Variants in ARHGAP20 observed in about 807,000 individuals in gnomAD.
ARHGAP20 encodes the protein Rho GTPase activating protein 20.
Under a neutral mutation model 73.7 loss-of-function variants are expected in ARHGAP20, and 34 were observed. That is an observed-to-expected ratio of 0.46 (90% CI 0.35 to 0.61). The LOEUF is 0.61. Among genes scored for constraint, ARHGAP20 ranks in the 20% least tolerant of loss-of-function variants. The pLI, the probability that ARHGAP20 is intolerant of heterozygous loss-of-function variation, is 0.00. For missense variants in ARHGAP20, 1,314 were observed against 1,420.9 expected (o/e 0.92, Z 1.21); for synonymous variants, 523 against 518.2 (o/e 1.01, Z -0.13).
intron 12 of ARHGAP20, among the ~76,000 whole-genome samples, chr11:110,585,006 T>C (rs1412597815): frequency 7.3e-6 from 1 of 137,500 alleles, no homozygotes; most frequent in African/African-American, 2.6e-5. Flanking sequence ...AATATATGAA[T>C]ATGTATGTGA....
chr11:110,684,137 T>C (rs978969777), intron 2 of ARHGAP20, among the ~76,000 whole-genome samples: 6 of 152,080 alleles, frequency 3.9e-5, no homozygotes, highest in African/African-American at 1.4e-4. Flanking sequence ...TAGTGTGTTA[T>C]AGGAACATGG....
chr11:110,619,495 AGTATATGTAGTGATAGG>A (rs1565441972), intron 4 of ARHGAP20, among the ~76,000 whole-genome samples: 5 of 150,838 alleles, frequency 3.3e-5, no homozygotes, highest in South Asian at 2.1e-4. Context: ...GCAGTGATAG[AGTATATGTAGTGATAGG>A]GTATATGCAG....
chr11:110,584,478 C>A lies in ARHGAP20; in HGVS notation c.1416-741G>T, dbSNP rs2134791999. Among the ~76,000 whole-genome samples, 5 of 151,394 alleles carry A rather than the reference C, an allele frequency of 3.3e-5. No homozygotes were observed. The Middle Eastern group carries it at 0.014, about 412-fold the overall frequency. On this transcript the variant is annotated intron_variant, in intron 12 of 14. Transcript: ENST00000683387. Reference sequence around the variant, plus strand: ...GGAAAAGATGATAGTCTGACTGCTGCTTGCACAAATAGCAGGGAGGCCTTT... The same window carrying A: ...GGAAAAGATGATAGTCTGACTGCTGATTGCACAAATAGCAGGGAGGCCTTT...
chr11:110,626,923 G>T (rs929866810), intron 3 of ARHGAP20, among the ~76,000 whole-genome samples: 1 of 152,042 alleles, frequency 6.6e-6, no homozygotes, highest in Admixed American at 6.5e-5. Flanking sequence ...TGCTTCTTCA[G>T]ATTTTTCCAC....
intron 2 of ARHGAP20, among the ~76,000 whole-genome samples, chr11:110,685,420 A>C (rs969057986): frequency 8.5e-5 from 13 of 152,072 alleles, no homozygotes; most frequent in Admixed American, 1.3e-4. Flanking sequence ...TCAGCATGAA[A>C]GATGTCTGTC....
At chr11:110,675,502 G>T (rs1293453895) in intron 2 of ARHGAP20, among the ~76,000 whole-genome samples, 1 of 152,166 alleles carries the variant, frequency 6.6e-6, no homozygotes, top group Non-Finnish European at 1.5e-5. Context: ...AGTTGTGGAG[G>T]AGGAGGAAGG....
intron 2 of ARHGAP20, 43 bp downstream of exon 2, chr11:110,690,504 T>G: frequency 6.4e-7 from 1 of 1,557,736 alleles, no homozygotes; most frequent in Non-Finnish European, 8.9e-7. Context: ...AATATAAACT[T>G]CCAAGCACAT....
At chr11:110,688,793 G>C (rs1169942494) in intron 2 of ARHGAP20, among the ~76,000 whole-genome samples, 1 of 151,994 alleles carries the variant, frequency 6.6e-6, no homozygotes, top group Non-Finnish European at 1.5e-5. Context: ...TTTTGATTAG[G>C]CATCTATTAA....
At chr11:110,624,066 T>C in intron 4 of ARHGAP20, 96 bp downstream of exon 4, 1 of 1,433,638 alleles carries the variant, frequency 7.0e-7, no homozygotes, top group Non-Finnish European at 9.4e-7. Flanking sequence ...TCTTAAAAAT[T>C]AGAGGAACAA....
intron 9 of ARHGAP20, among the ~76,000 whole-genome samples, chr11:110,596,354 G>C (rs1257766212): frequency 6.7e-6 from 1 of 149,940 alleles, no homozygotes; most frequent in African/African-American, 2.5e-5. Flanking sequence ...AGAGTGAACA[G>C]GCAACCTACA....
chr11:110,591,089 CATT>C (rs998362633), intron 10 of ARHGAP20, among the ~76,000 whole-genome samples: 1 of 152,132 alleles, frequency 6.6e-6, no homozygotes, highest in African/African-American at 2.4e-5. Flanking sequence ...TATTATATAA[CATT>C]ATGATTATAG....
At chr11:110,684,727 A>AC (rs1950099170) in intron 2 of ARHGAP20, among the ~76,000 whole-genome samples, 1 of 152,188 alleles carries the variant, frequency 6.6e-6, no homozygotes, top group African/African-American at 2.4e-5. Context: ...ATGGAATACT[A>AC]CGCAGACATA....
At chr11:110,606,395 C>T (rs576107161) in intron 9 of ARHGAP20, among the ~76,000 whole-genome samples, 166 bp downstream of exon 9, 2 of 152,308 alleles carry the variant, frequency 1.3e-5, no homozygotes, top group African/African-American at 4.8e-5. Context: ...GTCAATCATG[C>T]CTATTGCTGA....
rs1180257511 is a variant in ARHGAP20 at position 110,592,067 on chromosome 11, G to C, written c.1053C>G (p.Pro351=). 6 of 1,614,140 alleles carry C rather than the reference G, an allele frequency of 3.7e-6. No individual in the cohort carries two copies. The highest frequency in any genetic ancestry group is 5.1e-6 in the Non-Finnish European group (6 of 1,179,976). The part of the protein sequence containing the change: ...RGSSTHLDNL[P]SSPTSPMPGQ... ...CTGGCATAGGTGATGTTGGCGATGA[G>C]GGCAAGTTGTCCAGGTGAGTGCTAG... Residue 351 remains proline (P), a synonymous_variant, in exon 10 of 15, where the codon CCC becomes CCG. Transcript: ENST00000683387.
At chr11:110,614,292 GC>G (rs1331777050) in intron 6 of ARHGAP20, among the ~76,000 whole-genome samples, 1 of 152,170 alleles carries the variant, frequency 6.6e-6, no homozygotes, top group African/African-American at 2.4e-5. Flanking sequence ...CATGTCACAA[GC>G]AATGTTCTTT....
chr11:110,580,814 A>C lies in ARHGAP20; in HGVS notation c.2132T>G (p.Leu711Arg). Reference sequence around the variant, plus strand: ...CCTGAGGTAGGAAAGCTTTGAATCCAGATAGTCGATGCTGGGCTCTGAGCA... The same window carrying C: ...CCTGAGGTAGGAAAGCTTTGAATCCCGATAGTCGATGCTGGGCTCTGAGCA... ...RRCSEPSIDYLDSKLSYLREF... is the reference protein window; with the variant it reads ...RRCSEPSIDYRDSKLSYLREF... Residue 711 changes from leucine (L) to arginine (R), a missense_variant, in exon 15 of 15, where the codon CTG (leucine) becomes CGG (arginine). Physicochemically the swap from Leu to Arg is moderately radical, Grantham distance 102 (BLOSUM62 -2). Coordinates refer to ENST00000683387, the MANE Select transcript of ARHGAP20 (RefSeq NM_001384657.1). The C allele has an allele frequency of 6.2e-7, 1 of 1,612,336 alleles. No individual in the cohort carries two copies. The highest frequency in any genetic ancestry group is 2.2e-5 in the East Asian group (1 of 44,664).
At chr11:110,698,815 GTTAAT>G (rs1441558684) in intron 1 of ARHGAP20, among the ~76,000 whole-genome samples, 2 of 151,600 alleles carry the variant, frequency 1.3e-5, no homozygotes, top group East Asian at 3.9e-4. Context: ...TTTCTTGTTG[GTTAAT>G]TTAGCCAGCA....
chr11:110,584,416 CTGTTT>C (rs1470234044), intron 12 of ARHGAP20, among the ~76,000 whole-genome samples: 2 of 148,756 alleles, frequency 1.3e-5, no homozygotes, highest in African/African-American at 4.9e-5. Context: ...ATATTCATGA[CTGTTT>C]TTTTTTTTTT....
At chr11:110,646,591 A>T (rs1406467872) in intron 2 of ARHGAP20, among the ~76,000 whole-genome samples, 1 of 152,194 alleles carries the variant, frequency 6.6e-6, no homozygotes, top group Non-Finnish European at 1.5e-5. Context: ...TGAATGCTAA[A>T]TAAAAAGTTG....
Sources: gnomAD v4.1 joint callset for allele counts (sites outside exome capture counted in the v4.1 genomes callset) on GRCh38, gnomAD v4.1.1 for gene constraint, MANE v1.5 for transcripts, NCBI Gene and HGNC (gene_info 2026-07-23, HGNC 2026-07-21) for gene names.